The following CSPP1 variants were observed in gnomAD, a reference collection of about 807,000 sequenced individuals.
The protein encoded by CSPP1 is centrosome and spindle pole associated protein 1, also known as centrosome and spindle pole-associated protein 1.
Under a neutral mutation model 164.4 loss-of-function variants are expected in CSPP1, and 126 were observed. That is an observed-to-expected ratio of 0.77 (90% CI 0.66 to 0.89). The LOEUF (loss-of-function observed/expected upper bound fraction) is 0.89, where lower values mean the gene tolerates loss of function less well. CSPP1 is among the 40% of genes least tolerant of loss of function. The pLI, the probability that CSPP1 is intolerant of heterozygous loss-of-function variation, is 0.00. For missense variants in CSPP1, 1,395 were observed against 1,449.8 expected (o/e 0.96, Z 0.61); for synonymous variants, 472 against 476.7 (o/e 0.99, Z 0.13).
Position 67,175,312 on chromosome 8 carries a change from T to G in CSPP1, c.2985T>G (p.Val995=). 1 of 1,610,172 alleles carries G rather than the reference T, an allele frequency of 6.2e-7. No homozygotes were observed. The change falls in exon 26 of 31, where the codon GTT becomes GTG. Residue 995 remains valine, a synonymous_variant. Coordinates refer to ENST00000678616, the MANE Select transcript of CSPP1 (RefSeq NM_001382391.1). Reference sequence around the variant, plus strand: ...TTATACCAGATTCAGAAACACGAGTTGATCTGAAATTTATGTACCTGGATC... The same window carrying G: ...TTATACCAGATTCAGAAACACGAGTGGATCTGAAATTTATGTACCTGGATC... ...ELKDRDSETR[V]DLKFMYLDPP... is the part of the protein sequence containing the mutation.
chr8:67,150,268 A>G (rs530895171), intron 18 of CSPP1, among the ~76,000 whole-genome samples: 1 of 152,288 alleles, frequency 6.6e-6, no homozygotes, highest in Non-Finnish European at 1.5e-5. Flanking sequence ...TTTGCATCTT[A>G]TATCCATAGC....
At chr8:67,139,746 A>G (rs1224082130) in intron 17 of CSPP1, among the ~76,000 whole-genome samples, 2 of 152,186 alleles carry the variant, frequency 1.3e-5, no homozygotes, top group African/African-American at 4.8e-5. Context: ...TGCAAGGACA[A>G]AAAACCAAAC....
chr8:67,190,833 T>C, intron 29 of CSPP1, 74 bp downstream of exon 29: 2 of 1,063,628 alleles, frequency 1.9e-6, no homozygotes, highest in Non-Finnish European at 2.9e-6. Context: ...GTGCTAAATC[T>C]GTGTGGCCCA....
intron 2 of CSPP1, among the ~76,000 whole-genome samples, chr8:67,076,165 C>A (rs1807865716): frequency 6.6e-6 from 1 of 151,706 alleles, no homozygotes; most frequent in South Asian, 2.1e-4. Flanking sequence ...CATTATGTGT[C>A]CCCCCAATAG....
At chr8:67,148,477 T>C (rs1187403408) in intron 17 of CSPP1, among the ~76,000 whole-genome samples, 1 of 152,208 alleles carries the variant, frequency 6.6e-6, no homozygotes, top group African/African-American at 2.4e-5. Context: ...ATTTCTCTAT[T>C]ATGCTTTCCT....
chr8:67,131,839 C>A, intron 15 of CSPP1, 112 bp from the exon 16 acceptor site: 1 of 933,840 alleles, frequency 1.1e-6, no homozygotes, highest in Non-Finnish European at 1.5e-6. Flanking sequence ...AGAGAAATAT[C>A]CTTCTGTATT....
At position 67,195,795 on chromosome 8, in the gene CSPP1, G is replaced by C. The variant is rs923782575; in HGVS notation, c.*202G>C. 3.7e-6 allele frequency: 2 copies of C among 535,462 alleles called. No homozygotes were observed. Among genetic ancestry groups the C allele is most frequent in the African/African-American group, 3.8e-5 (2 of 52,512 alleles). 33.2% of individuals were successfully genotyped at this position (535,462 alleles called of 1,614,324 possible). On this transcript the variant is annotated 3_prime_UTR_variant, in exon 31 of 31. Coordinates refer to ENST00000678616, the MANE Select transcript of CSPP1 (RefSeq NM_001382391.1). ...TTGATTTATATAATAGAATTGTATA[G>C]ATTATTTTTGCACAGTTTTGTCATA...
chr8:67,088,240 C>T (rs1171428878), intron 4 of CSPP1, among the ~76,000 whole-genome samples: 3 of 151,986 alleles, frequency 2.0e-5, no homozygotes, highest in Non-Finnish European at 4.4e-5. Flanking sequence ...AAGTACAAAT[C>T]TTTAAATTCA....
chr8:67,138,312 A>G (rs1430910792), intron 17 of CSPP1, among the ~76,000 whole-genome samples: 1 of 152,224 alleles, frequency 6.6e-6, no homozygotes, highest in Non-Finnish European at 1.5e-5. Context: ...AAGTGTTCGC[A>G]TATAACCTAC....
In CSPP1 at chr8:67,076,518, A is replaced by T. The variant is rs1439965600; in HGVS notation, c.136A>T (p.Ile46Leu). 6.2e-6 allele frequency: 10 copies of T among 1,603,960 alleles called. No homozygotes were observed. Among genetic ancestry groups the T allele is most frequent in the Non-Finnish European group, 8.5e-6 (10 of 1,175,956 alleles). The change falls in exon 3 of 31, where the codon ATA (isoleucine) becomes TTA (leucine). Residue 46 changes from isoleucine (I) to leucine (L), a missense_variant. Transcript: ENST00000678616. Reference sequence around the variant, plus strand: ...AGCGAAGCTTTCTGAAAACAGTAAGATACTGATCTCTATGGCTAAGGAAAA... The same window carrying T: ...AGCGAAGCTTTCTGAAAACAGTAAGTTACTGATCTCTATGGCTAAGGAAAA... ...LSAKLSENSKILISMAKENIP... is the reference protein window; with the variant it reads ...LSAKLSENSKLLISMAKENIP...
At chr8:67,141,797 G>A (rs552968021) in intron 17 of CSPP1, among the ~76,000 whole-genome samples, 1 of 152,330 alleles carries the variant, frequency 6.6e-6, no homozygotes, top group South Asian at 2.1e-4. Context: ...TTACAGACAT[G>A]AGCGACTGCA....
intron 18 of CSPP1, 143 bp from the exon 19 acceptor site, chr8:67,153,881 A>G: frequency 3.8e-6 from 2 of 522,950 alleles, no homozygotes; most frequent in Non-Finnish European, 6.7e-6. Flanking sequence ...TCAGATTCTA[A>G]TCTCAACCTT....
At chr8:67,087,173 C>T (rs1214912729) in intron 4 of CSPP1, among the ~76,000 whole-genome samples, 2 of 147,148 alleles carry the variant, frequency 1.4e-5, no homozygotes, top group African/African-American at 5.2e-5. Flanking sequence ...TCTCAAATTA[C>T]ACTAATCACA....
chr8:67,088,873 G>A (rs1036362940), intron 4 of CSPP1, among the ~76,000 whole-genome samples: 1 of 150,892 alleles, frequency 6.6e-6, no homozygotes, highest in Non-Finnish European at 1.5e-5. Context: ...CTCCAGCCTG[G>A]GCGACAGAGT....
At chr8:67,078,014 T>C (rs1391183040) in intron 3 of CSPP1, among the ~76,000 whole-genome samples, 1 of 152,234 alleles carries the variant, frequency 6.6e-6, no homozygotes, top group African/African-American at 2.4e-5. Context: ...CTCAATTTTT[T>C]TTCTGTGAAA....
intron 28 of CSPP1, among the ~76,000 whole-genome samples, chr8:67,189,230 A>G (rs1835519181): frequency 6.6e-6 from 1 of 152,170 alleles, no homozygotes; most frequent in Non-Finnish European, 1.5e-5. Flanking sequence ...AAATAAGCAT[A>G]TTCTTACCAT....
rs1036732330 is a variant in CSPP1, at chr8:67,095,698, G to T, written c.889G>T (p.Asp297Tyr). Residue 297 changes from aspartate (D) to tyrosine (Y), a missense_variant, in exon 7 of 31, where the codon GAT becomes TAT. Coordinates refer to ENST00000678616, the MANE Select transcript of CSPP1 (RefSeq NM_001382391.1). ...GAGGTTTAGATATGAAAGTGATTTTGATAGAAGACTTTCGAGAGTGTATAC... is the reference window on the plus strand; with the variant it reads ...GAGGTTTAGATATGAAAGTGATTTTTATAGAAGACTTTCGAGAGTGTATAC... ...DERFRYESDF[D>Y]RRLSRVYTND... 1.9e-6 allele frequency: 3 copies of T among 1,604,226 alleles called. No individual in the cohort carries two copies.
chr8:67,148,597 C>T (rs532300472), intron 17 of CSPP1, among the ~76,000 whole-genome samples: 2 of 152,286 alleles, frequency 1.3e-5, no homozygotes, highest in East Asian at 3.9e-4. Context: ...TCTTTTGTAG[C>T]ATTTATGTAT....
At chr8:67,153,329 G>T (rs1016679241) in intron 18 of CSPP1, among the ~76,000 whole-genome samples, 3 of 152,106 alleles carry the variant, frequency 2.0e-5, no homozygotes, top group African/African-American at 7.2e-5. Flanking sequence ...TGCATTCAAA[G>T]AGACTCTAAG....
Sources: gnomAD v4.1 joint callset for allele counts (sites outside exome capture counted in the v4.1 genomes callset) on GRCh38, gnomAD v4.1.1 for gene constraint, MANE v1.5 for transcripts, NCBI Gene and HGNC (gene_info 2026-07-23, HGNC 2026-07-21) for gene names.